NRXN3: variants seen among roughly 807,000 people sequenced by gnomAD.
NRXN3 encodes the protein neurexin 3.
In NRXN3, 32 loss-of-function variants were observed where a neutral mutation model predicts 137.6. The ratio of observed to expected loss-of-function variants is 0.23; its 90% CI spans 0.18 to 0.31. The LOEUF (loss-of-function observed/expected upper bound fraction) is 0.31. NRXN3 is among the 10% of genes least tolerant of loss of function. NRXN3 has a pLI of 1.00. For synonymous variants in NRXN3, 798 were observed against 784.5 expected (o/e 1.02, Z -0.29); for missense variants, 1,574 against 2,062.5 (o/e 0.76, Z 4.59).
chr14:79,537,098 TCTC>T (rs1321654425), intron 16 of NRXN3, among the ~76,000 whole-genome samples: 1 of 152,214 alleles, frequency 6.6e-6, no homozygotes, highest in African/African-American at 2.4e-5. Context: ...CATTCCTACT[TCTC>T]CACAGCCTCA....
At chr14:79,641,623 T>C (rs916623943) in intron 16 of NRXN3, among the ~76,000 whole-genome samples, 1 of 135,586 alleles carries the variant, frequency 7.4e-6, no homozygotes, top group African/African-American at 2.5e-5. Context: ...GGTTCAGATA[T>C]GCTCCATGCA....
intron 19 of NRXN3, among the ~76,000 whole-genome samples, chr14:79,758,643 A>G (rs1447243205): frequency 3.9e-5 from 6 of 152,192 alleles, no homozygotes; most frequent in African/African-American, 1.4e-4. Context: ...AAAAGGGTGA[A>G]CTGCACAAGG....
chr14:79,145,175 A>G (rs1472018925), intron 15 of NRXN3, among the ~76,000 whole-genome samples: 1 of 152,170 alleles, frequency 6.6e-6, no homozygotes, highest in Non-Finnish European at 1.5e-5. Flanking sequence ...GAGATACATA[A>G]GGCAACCATG....
intron 8 of NRXN3, among the ~76,000 whole-genome samples, chr14:78,730,459 C>T (rs956280089): frequency 2.0e-5 from 3 of 152,028 alleles, no homozygotes; most frequent in Admixed American, 2.0e-4. Flanking sequence ...TTCTATTTAT[C>T]GTTTAAGCTT....
chr14:79,485,026 T>C (rs2096642876), intron 16 of NRXN3, among the ~76,000 whole-genome samples: 1 of 152,140 alleles, frequency 6.6e-6, no homozygotes, highest in African/African-American at 2.4e-5. Flanking sequence ...TAAAATACAT[T>C]ACCTATAATG....
chr14:79,128,689 C>A (rs1393005603), intron 15 of NRXN3, among the ~76,000 whole-genome samples: 1 of 152,162 alleles, frequency 6.6e-6, no homozygotes, highest in Non-Finnish European at 1.5e-5. Flanking sequence ...ATGCTGGCCT[C>A]ATAAAATGAG....
At chr14:78,904,108 A>T (rs75788961) in intron 10 of NRXN3, among the ~76,000 whole-genome samples, 4,240 of 152,158 alleles carry the variant, frequency 0.028, 200 homozygotes, top group African/African-American at 0.097. Context: ...ATATGTCAAG[A>T]TTATTCAGAT....
chr14:78,885,054 T>C (rs1375062990), intron 10 of NRXN3, among the ~76,000 whole-genome samples: 1 of 151,592 alleles, frequency 6.6e-6, no homozygotes, highest in African/African-American at 2.4e-5. Flanking sequence ...ATGATCATAT[T>C]TATAAAGTAG....
At chr14:78,410,704 C>G (rs1268845104) in intron 4 of NRXN3, among the ~76,000 whole-genome samples, 1 of 152,172 alleles carries the variant, frequency 6.6e-6, no homozygotes, top group East Asian at 1.9e-4. Context: ...GAAAAAACCT[C>G]CTTAGTTGAA....
At chr14:78,793,436 G>A (rs988983628) in intron 8 of NRXN3, among the ~76,000 whole-genome samples, 2 of 152,094 alleles carry the variant, frequency 1.3e-5, no homozygotes, top group Non-Finnish European at 2.9e-5. Context: ...GGACTCATAG[G>A]ACCCAGAAAT....
intron 4 of NRXN3, among the ~76,000 whole-genome samples, chr14:78,364,890 A>G (rs185321553): frequency 4.3e-4 from 65 of 152,324 alleles, no homozygotes; most frequent in Middle Eastern, 3.4e-3. Context: ...TGAAAACACT[A>G]AAGGTACGTT....
At position 79,056,538 on chromosome 14, in the gene NRXN3, G is replaced by A. The variant is rs552258385; in HGVS notation, c.3262+68397G>A. On this transcript the variant is annotated intron_variant, in intron 15 of 20. Transcript: ENST00000335750. ...AGAGCTATGGAAATTAATCCTGTCC[G>A]GGGTTCAGAGGAGTTATTAATTAAG... 3.3e-5 allele frequency among the ~76,000 whole-genome samples: 5 copies of A among 152,228 alleles called. No individual in the cohort carries two copies. In the East Asian group the frequency reaches 9.6e-4, roughly 29 times the overall value.
At position 79,757,994 on chromosome 14, in the gene NRXN3, T is replaced by C. The variant is rs57496137; in HGVS notation, c.4015-47118T>C. Among the ~76,000 whole-genome samples the C allele has an allele frequency of 2.9e-3, 443 of 152,314 alleles. 2 individuals carry two copies. Among genetic ancestry groups the C allele is most frequent in the African/African-American group, 0.01 (433 of 41,576 alleles). ...TACTTTTTTTCCCCTCCAATAAATA[T>C]ACATTATCCATTAAAGTAGAGTGTG... On this transcript the variant is annotated intron_variant, in intron 19 of 20. Transcript: ENST00000335750.
At chr14:78,218,218 G>A (rs1462392429) in intron 1 of NRXN3, among the ~76,000 whole-genome samples, 4 of 152,038 alleles carry the variant, frequency 2.6e-5, no homozygotes, top group Admixed American at 2.0e-4. Flanking sequence ...TTACCTAGGC[G>A]TGGTGGCGCA....
At chr14:79,380,333 G>A (rs2094434479) in intron 15 of NRXN3, among the ~76,000 whole-genome samples, 2 of 151,730 alleles carry the variant, frequency 1.3e-5, no homozygotes, top group Non-Finnish European at 2.9e-5. Flanking sequence ...ATCTCCTAAT[G>A]CTATCCCTCC....
intron 15 of NRXN3, among the ~76,000 whole-genome samples, chr14:79,352,514 T>C (rs1211325445): frequency 6.6e-6 from 1 of 152,122 alleles, no homozygotes; most frequent in African/African-American, 2.4e-5. Flanking sequence ...CATTATATAG[T>C]ATGTGGAGGC....
intron 15 of NRXN3, chr14:79,249,063 C>T (rs973723474): frequency 6.6e-6 from 1 of 152,166 alleles, no homozygotes. Flanking sequence ...TGACTGTTGT[C>T]TCTCGAGGTG....
At chr14:78,302,696 A>G (rs2076992910) in intron 4 of NRXN3, among the ~76,000 whole-genome samples, 1 of 152,148 alleles carries the variant, frequency 6.6e-6, no homozygotes, top group Admixed American at 6.5e-5. Flanking sequence ...CCCACAAACC[A>G]GCTTCCCTTT....
chr14:78,597,543 C>A (rs1343747069), intron 4 of NRXN3, among the ~76,000 whole-genome samples: 1 of 152,154 alleles, frequency 6.6e-6, no homozygotes, highest in Non-Finnish European at 1.5e-5. Context: ...CCTTGGAGGC[C>A]TCAGGCCTCA....
Sources: allele counts gnomAD v4.1 joint callset (sites outside exome capture counted in the v4.1 genomes callset), GRCh38; gene constraint gnomAD v4.1.1; transcripts MANE v1.5; gene names NCBI Gene and HGNC (gene_info 2026-07-23, HGNC 2026-07-21).